RFWD3: variants seen among roughly 807,000 people sequenced by gnomAD.
RFWD3 encodes E3 ubiquitin-protein ligase RFWD3.
RFWD3 carries 65 observed loss-of-function variants against 87.7 expected under a neutral mutation model. The observed-to-expected ratio is 0.74, with a 90% CI of 0.61 to 0.91. The LOEUF (loss-of-function observed/expected upper bound fraction) is 0.91, where lower values mean the gene tolerates loss of function less well. Among genes scored for constraint, RFWD3 ranks in the 40% least tolerant of loss-of-function variants. The probability of loss-of-function intolerance (pLI) is 0.00; values close to 1 mark genes in which losing one functional copy is unlikely to be tolerated. For missense variants in RFWD3, 1,078 were observed against 938.5 expected, an observed-to-expected ratio of 1.15 and a Z score of -1.94; for synonymous variants, 433 against 352.8, an observed-to-expected ratio of 1.23 and a Z score of -2.55.
chr16:74,633,838 T>C (rs1248085618), intron 8 of RFWD3, among the ~76,000 whole-genome samples: 3 of 151,968 alleles, frequency 2.0e-5, no homozygotes, highest in Non-Finnish European at 2.9e-5. Context: ...TAGTCCCAGT[T>C]ACTCAAGAGG....
intron 6 of RFWD3, among the ~76,000 whole-genome samples, chr16:74,639,332 C>T (rs62053578): frequency 6.6e-6 from 1 of 152,186 alleles, no homozygotes; most frequent in African/African-American, 2.4e-5. Context: ...GCTACTACAC[C>T]CAGTGCGCTA....
chr16:74,632,495 T>TC, intron 9 of RFWD3, 28 bp downstream of exon 9: 1 of 1,612,348 alleles, frequency 6.2e-7, no homozygotes, highest in Non-Finnish European at 8.5e-7. Flanking sequence ...AAGAGCCCAG[T>TC]CTCCACCTAC....
intron 9 of RFWD3, among the ~76,000 whole-genome samples, chr16:74,631,463 A>ACTCTCTCTCTCTCTCT (rs56056110): frequency 1.4e-4 from 21 of 150,270 alleles, no homozygotes; most frequent in South Asian, 2.1e-4. Flanking sequence ...ACAGAGTGAG[A>ACTCTCTCTCTCTCTCT]CTCTCTCTCT....
At chr16:74,625,882 G>C (rs1409159503) in intron 12 of RFWD3, among the ~76,000 whole-genome samples, 1 of 152,050 alleles carries the variant, frequency 6.6e-6, no homozygotes. Context: ...GCCTTAATCA[G>C]ACTCAGGTTC....
chr16:74,661,529 C>G (rs755356392), intron 1 of RFWD3, 78 bp from the exon 2 acceptor site: 9 of 1,276,076 alleles, frequency 7.1e-6, no homozygotes, highest in Non-Finnish European at 8.6e-6. Context: ...CATATTTAAT[C>G]TTTCTGATTT....
At chr16:74,634,425 C>G (rs1457970928) in intron 8 of RFWD3, among the ~76,000 whole-genome samples, 1 of 152,048 alleles carries the variant, frequency 6.6e-6, no homozygotes, top group African/African-American at 2.4e-5. Context: ...CACTCTGTCA[C>G]CCATGCTAAG....
At chr16:74,646,778 A>G (rs1468112157) in intron 4 of RFWD3, among the ~76,000 whole-genome samples, 1 of 152,094 alleles carries the variant, frequency 6.6e-6, no homozygotes, top group East Asian at 1.9e-4. Context: ...AGCTATTAAT[A>G]AGAACAAGAT....
At chr16:74,638,795 G>T (rs1230000503) in intron 6 of RFWD3, among the ~76,000 whole-genome samples, 1 of 152,186 alleles carries the variant, frequency 6.6e-6, no homozygotes, top group Non-Finnish European at 1.5e-5. Context: ...ACAGTCATGT[G>T]CAGCTTAATG....
intron 12 of RFWD3, 106 bp downstream of exon 12, chr16:74,626,237 C>T: frequency 2.1e-6 from 2 of 967,366 alleles, no homozygotes; most frequent in South Asian, 1.4e-5. Context: ...GCAGAACTTA[C>T]ACTTTTTTGC....
In RFWD3 at chr16:74,661,399, G is replaced by C. The variant is rs771422126; in HGVS notation, c.51C>G (p.Ala17=). The C allele has an allele frequency of 5.0e-6, 8 of 1,613,756 alleles. No homozygotes were observed. Among genetic ancestry groups the C allele is most frequent in the Admixed American group, 3.3e-5 (2 of 59,968 alleles). The change falls in exon 2 of 13, where the codon GCC becomes GCG. Residue 17 remains alanine (A), a synonymous_variant. Transcript: ENST00000361070. ...EYDVQVQLNH[A]EQQPAPAGMA... is the part of the protein sequence containing the mutation. Reference sequence around the variant, plus strand: ...TGCCAGCAGGAGCTGGCTGTTGTTCGGCATGATTTAACTGCACCTGAACAT... The same window carrying C: ...TGCCAGCAGGAGCTGGCTGTTGTTCCGCATGATTTAACTGCACCTGAACAT...
At chr16:74,630,988 C>G in intron 9 of RFWD3, 31 bp from the exon 10 acceptor site, 1 of 1,567,366 alleles carries the variant, frequency 6.4e-7, no homozygotes, top group East Asian at 2.3e-5. Context: ...TTTACAACTG[C>G]ATTAAGAAAA....
chr16:74,642,446 C>T (rs1217247177), intron 6 of RFWD3, among the ~76,000 whole-genome samples: 3 of 151,612 alleles, frequency 2.0e-5, no homozygotes, highest in Non-Finnish European at 2.9e-5. Flanking sequence ...CTATAATTAA[C>T]TTCTTCTTCT....
intron 2 of RFWD3, among the ~76,000 whole-genome samples, chr16:74,659,694 CCA>C (rs1339379748): frequency 6.6e-6 from 1 of 152,086 alleles, no homozygotes; most frequent in Non-Finnish European, 1.5e-5. Flanking sequence ...GACACTGGAG[CCA>C]CAGTCATGGC....
At chr16:74,646,558 C>T (rs1375150752) in intron 4 of RFWD3, among the ~76,000 whole-genome samples, 1 of 152,132 alleles carries the variant, frequency 6.6e-6, no homozygotes, top group African/African-American at 2.4e-5. Context: ...GAGGCCAAGG[C>T]AGGCGGATCA....
chr16:74,647,479 G>T (rs1443214926), intron 4 of RFWD3, among the ~76,000 whole-genome samples: 1 of 152,006 alleles, frequency 6.6e-6, no homozygotes, highest in Non-Finnish European at 1.5e-5. Flanking sequence ...GTAGAGATGG[G>T]GTTTCACCCT....
chr16:74,622,499 A>G lies in RFWD3; in HGVS notation c.*1429T>C, dbSNP rs1055442410. 5 of 152,176 alleles carry G rather than the reference A, an allele frequency of 3.3e-5. No homozygotes were observed. Among genetic ancestry groups the G allele is most frequent in the African/African-American group, 1.2e-4 (5 of 41,436 alleles). The allele number at this position is 152,176 out of a possible 1,614,324, so 9.4% of individuals were successfully genotyped here. ...AAAAAGGAAAAAATTATGTCCTAAA[A>G]TATTAAAGGGTCATTAAAAGGCACA... is the stretch of plus-strand genomic sequence containing the variant. On this transcript the variant is annotated 3_prime_UTR_variant, in exon 13 of 13. Transcript: ENST00000361070.
chr16:74,643,669 GT>G (rs35397997), intron 6 of RFWD3, among the ~76,000 whole-genome samples: 4,415 of 104,602 alleles, frequency 0.042, 367 homozygotes, highest in Middle Eastern at 0.054. Flanking sequence ...ACTAGCAACT[GT>G]TTTTTTTTTT....
rs770870074 is a variant in RFWD3, at chr16:74,626,382, G to T, written c.2142C>A (p.Ile714=). 20 of 1,614,204 alleles carry T rather than the reference G, an allele frequency of 1.2e-5. No homozygotes were observed. The highest frequency in any genetic ancestry group is 1.2e-5 in the Non-Finnish European group (14 of 1,180,032). ...CTGCTTCATCCCCAGTACACACCAGGATGTTGCCATCATTCTCTGGGCTTT... is the reference window on the plus strand; with the variant it reads ...CTGCTTCATCCCCAGTACACACCAGTATGTTGCCATCATTCTCTGGGCTTT... ...IFQSPENDGN[I]LVCTGDEAAN... The change falls in exon 12 of 13, where the codon ATC becomes ATA. Residue 714 remains isoleucine (I), a synonymous_variant. Transcript: ENST00000361070.
Position 74,661,188 on chromosome 16 carries a change from C to T in RFWD3, c.262G>A (p.Glu88Lys). The change falls in exon 2 of 13, where the codon GAA becomes AAA. Residue 88 changes from glutamate (E) to lysine (K), a missense_variant. Physicochemically the swap from Glu to Lys is moderately conservative, Grantham distance 56. Transcript: ENST00000361070. ...GGATTGATGTTCTCCACAGTGTCTTCTCCCAAGACCTCCACTTCTGTCAGG... is the reference window on the plus strand; with the variant it reads ...GGATTGATGTTCTCCACAGTGTCTTTTCCCAAGACCTCCACTTCTGTCAGG... ...VDLTEVEVLG[E>K]DTVENINPRT... is the part of the protein sequence containing the mutation. 2 of 1,614,238 alleles carry T rather than the reference C, an allele frequency of 1.2e-6. No individual in the cohort carries two copies. The highest frequency in any genetic ancestry group is 1.7e-6 in the Non-Finnish European group (2 of 1,180,038).
Sources: allele counts gnomAD v4.1 joint callset (sites outside exome capture counted in the v4.1 genomes callset), GRCh38; gene constraint gnomAD v4.1.1; transcripts MANE v1.5; gene names NCBI Gene and HGNC (gene_info 2026-07-23, HGNC 2026-07-21).